The following INVS variants were observed in gnomAD, a reference collection of about 807,000 sequenced individuals.
INVS encodes inversion of embryo turning homolog.
Under a neutral mutation model 108.8 loss-of-function variants are expected in INVS, and 86 were observed. The observed-to-expected ratio is 0.79, with a 90% CI of 0.66 to 0.95. INVS has a LOEUF of 0.95. Ranked by LOEUF, INVS falls within the 40% of genes least tolerant of loss-of-function variation. INVS has a pLI of 0.00. For missense variants in INVS, 1,169 were observed against 1,297.4 expected (o/e 0.90, Z 1.52); for synonymous variants, 455 against 473.5 (o/e 0.96, Z 0.51).
At chr9:100,162,918 G>T (rs1028929718) in intron 3 of INVS, among the ~76,000 whole-genome samples, 2 of 152,122 alleles carry the variant, frequency 1.3e-5, no homozygotes, top group African/African-American at 2.4e-5. Flanking sequence ...CAATATCAGG[G>T]TTCTGTTGGC....
intron 3 of INVS, among the ~76,000 whole-genome samples, chr9:100,162,227 A>G (rs1829214238): frequency 6.6e-6 from 1 of 152,206 alleles, no homozygotes; most frequent in African/African-American, 2.4e-5. Flanking sequence ...ATTTGGGTCC[A>G]TCATGGAAAT....
chr9:100,134,284 G>A (rs528591732), intron 3 of INVS, among the ~76,000 whole-genome samples: 20 of 152,250 alleles, frequency 1.3e-4, no homozygotes, highest in African/African-American at 4.6e-4. Flanking sequence ...TCCTTTTTAA[G>A]GCTGAGTAGT....
intron 7 of INVS, among the ~76,000 whole-genome samples, chr9:100,243,844 C>G (rs1831957249): frequency 6.6e-6 from 1 of 152,034 alleles, no homozygotes; most frequent in South Asian, 2.1e-4. Context: ...AACCCCGTTT[C>G]TACTAAAAAT....
At position 100,230,770 on chromosome 9, in the gene INVS, G is replaced by T. The variant is rs535016422; in HGVS notation, c.615+943G>T. Among the ~76,000 whole-genome samples, 5 of 152,166 alleles carry T rather than the reference G, an allele frequency of 3.3e-5. No homozygotes were observed. In the South Asian group the frequency reaches 1.0e-3, roughly 32 times the overall value. On this transcript the variant is annotated intron_variant, in intron 5 of 16. Transcript: ENST00000262457. ...TTGACCTCGTGATCTACCTGCCTCA[G>T]CCTCCCAAAGTGCTGGGATTACAGG...
intron 3 of INVS, among the ~76,000 whole-genome samples, chr9:100,188,345 G>A (rs934039296): frequency 3.3e-5 from 5 of 152,122 alleles, no homozygotes; most frequent in Non-Finnish European, 5.9e-5. Context: ...ATACTTAGAC[G>A]GAACATACCT....
At chr9:100,296,839 G>C in intron 14 of INVS, 78 bp from the exon 15 acceptor site, 2 of 1,154,790 alleles carry the variant, frequency 1.7e-6, no homozygotes, top group South Asian at 1.3e-5. Context: ...TACTCCTATA[G>C]CTTCTAGAAA....
At chr9:100,296,292 A>C (rs1000640236) in intron 14 of INVS, among the ~76,000 whole-genome samples, 1 of 152,138 alleles carries the variant, frequency 6.6e-6, no homozygotes, top group Non-Finnish European at 1.5e-5. Flanking sequence ...CATCAAATAA[A>C]TCCTAGATGT....
chr9:100,251,273 A>T (rs1832226266), intron 8 of INVS, among the ~76,000 whole-genome samples: 1 of 152,186 alleles, frequency 6.6e-6, no homozygotes, highest in Non-Finnish European at 1.5e-5. Flanking sequence ...CCAGCCCAAA[A>T]ATCTGCATCC....
rs10527613 is a variant in INVS at position 100,301,139 on chromosome 9, TCACACACA to T, written c.*498_*505del. On this transcript the variant is annotated 3_prime_UTR_variant, in exon 17 of 17. Transcript: ENST00000262457. ...CCTGGCATCTAATGCAACAAACTTA[TCACACACA>T]CACACACACACACACACACACACAC... is the stretch of plus-strand genomic sequence containing the variant. The T allele has an allele frequency of 5.7e-4, 96 of 167,896 alleles. No homozygotes were observed. The highest frequency in any genetic ancestry group is 3.2e-3 in the East Asian group (20 of 6,194). 10.4% of individuals were successfully genotyped at this position (167,896 alleles called of 1,614,324 possible).
At chr9:100,204,536 C>T (rs899889676) in intron 3 of INVS, among the ~76,000 whole-genome samples, 2 of 152,090 alleles carry the variant, frequency 1.3e-5, no homozygotes, top group Non-Finnish European at 2.9e-5. Flanking sequence ...GCAAAGGCAT[C>T]TGAAAGGGGA....
chr9:100,237,903 G>C (rs1023216722), intron 5 of INVS, among the ~76,000 whole-genome samples: 3 of 152,114 alleles, frequency 2.0e-5, no homozygotes, highest in Non-Finnish European at 2.9e-5. Flanking sequence ...TTTTGGGACA[G>C]AGCCTTGGGC....
At position 100,195,519 on chromosome 9, in the gene INVS, G is replaced by A. The variant is rs184677835; in HGVS notation, c.274-30543G>A. ...TTTTTTTTTTTGAGACGGGAGTCTC[G>A]CTTTGTTGCTCAAGCTGGAGTGCAG... On this transcript the variant is annotated intron_variant, in intron 3 of 16. Transcript: ENST00000262457. 3.3e-5 allele frequency among the ~76,000 whole-genome samples: 5 copies of A among 151,300 alleles called. No individual in the cohort carries two copies. In the East Asian group the frequency reaches 7.8e-4, roughly 24 times the overall value.
At chr9:100,180,346 T>G (rs1288525709) in intron 3 of INVS, among the ~76,000 whole-genome samples, 1 of 38,598 alleles carries the variant, frequency 2.6e-5, no homozygotes, top group African/African-American at 1.6e-4. Context: ...AGGAGCTGGT[T>G]TTTTTTTAAA....
chr9:100,281,922 A>T (rs1160772812), intron 12 of INVS, among the ~76,000 whole-genome samples: 1 of 152,162 alleles, frequency 6.6e-6, no homozygotes, highest in Non-Finnish European at 1.5e-5. Flanking sequence ...TTGGAATTGA[A>T]CAAGAGAGCT....
At chr9:100,258,821 G>A (rs571608077) in intron 10 of INVS, among the ~76,000 whole-genome samples, 4 of 152,296 alleles carry the variant, frequency 2.6e-5, no homozygotes, top group Admixed American at 1.3e-4. Flanking sequence ...GGTGTCAGTC[G>A]GCCCCTACTG....
At chr9:100,238,192 A>G (rs1050607099) in intron 5 of INVS, among the ~76,000 whole-genome samples, 1 of 151,734 alleles carries the variant, frequency 6.6e-6, no homozygotes, top group Admixed American at 6.6e-5. Context: ...TCTCCTTTTT[A>G]ATTGTTAAGA....
intron 12 of INVS, among the ~76,000 whole-genome samples, chr9:100,280,636 T>G (rs893720679): frequency 5.3e-5 from 8 of 152,274 alleles, no homozygotes; most frequent in African/African-American, 1.9e-4. Context: ...AATCTTTTTC[T>G]GATTTTTTTT....
chr9:100,252,196 G>A, intron 8 of INVS, 87 bp from the exon 9 acceptor site: 1 of 1,359,168 alleles, frequency 7.4e-7, no homozygotes, highest in Non-Finnish European at 1.0e-6. Flanking sequence ...AAATGATGGG[G>A]AAATCAAGAG....
At chr9:100,184,462 C>T (rs952260182) in intron 3 of INVS, among the ~76,000 whole-genome samples, 1 of 152,064 alleles carries the variant, frequency 6.6e-6, no homozygotes, top group South Asian at 2.1e-4. Context: ...CCACTTGCTT[C>T]GTGTTGATGA....
Sources: gnomAD v4.1 joint callset for allele counts (sites outside exome capture counted in the v4.1 genomes callset) on GRCh38, gnomAD v4.1.1 for gene constraint, MANE v1.5 for transcripts, NCBI Gene and HGNC (gene_info 2026-07-23, HGNC 2026-07-21) for gene names.